The following MTA1 variants were observed in gnomAD, a reference collection of about 807,000 sequenced individuals.
MTA1 encodes the protein metastasis-associated protein MTA1.
Under a neutral mutation model 97.0 loss-of-function variants are expected in MTA1, and 15 were observed. That is an observed-to-expected ratio of 0.15 (90% CI 0.10 to 0.24). The LOEUF (loss-of-function observed/expected upper bound fraction) is 0.24, where lower values mean the gene tolerates loss of function less well. Ranked by LOEUF, MTA1 falls within the 10% of genes least tolerant of loss-of-function variation. The pLI is 1.00. For synonymous variants in MTA1, 435 were observed against 417.5 expected, an observed-to-expected ratio of 1.04 and a Z score of -0.51; for missense variants, 709 against 1,015.1, an observed-to-expected ratio of 0.70 and a Z score of 4.10.
At chr14:105,458,414 G>T in intron 8 of MTA1, 42 bp downstream of exon 8, 1 of 1,564,794 alleles carries the variant, frequency 6.4e-7, no homozygotes, top group Non-Finnish European at 8.8e-7. Flanking sequence ...GGTGGTGCCT[G>T]GAGCTTCTGT....
At chr14:105,441,663 G>A (rs587760837) in intron 2 of MTA1, among the ~76,000 whole-genome samples, 2,141 of 152,202 alleles carry the variant, frequency 0.014, 32 homozygotes, top group Middle Eastern at 0.024. Flanking sequence ...GCGTGGTGGC[G>A]GGCGCCTGTG....
At chr14:105,438,404 C>T (rs587727720) in intron 1 of MTA1, among the ~76,000 whole-genome samples, 3 of 152,288 alleles carry the variant, frequency 2.0e-5, no homozygotes, top group South Asian at 2.1e-4. Context: ...TGTGAGGATC[C>T]GGGATGGGGG....
chr14:105,465,169 T>C lies in MTA1; in HGVS notation c.1610T>C (p.Val537Ala), dbSNP rs1555432406. The C allele has an allele frequency of 6.6e-7, 1 of 1,520,268 alleles. No homozygotes were observed. The allele number at this position is 1,520,268 out of a possible 1,614,324, so 94.2% of individuals were successfully genotyped here. The change falls in exon 16 of 21, where the codon GTG becomes GCG. Residue 537 changes from valine to alanine, a missense_variant. Around this residue, in one of 2 missense-constraint regions of MTA1, gnomAD observed 388 missense variants for 421.6 expected, o/e 0.92. Coordinates refer to ENST00000331320, the MANE Select transcript of MTA1 (RefSeq NM_004689.4). ...GCGGTACGCAAGCCGCTGGAAGCCG[T>C]GCTTCGGTATCTTGGTGAGCAGCCA... ...KQAVRKPLEA[V>A]LRYLETHPRP...
At chr14:105,460,562 G>A in intron 9 of MTA1, 105 bp downstream of exon 9, 2 of 1,283,516 alleles carry the variant, frequency 1.6e-6, no homozygotes, top group Non-Finnish European at 2.1e-6. Context: ...CAGGTATTCA[G>A]GACCCCTGCA....
intron 1 of MTA1, among the ~76,000 whole-genome samples, chr14:105,425,913 C>G (rs1218551253): frequency 6.6e-6 from 1 of 152,012 alleles, no homozygotes; most frequent in Admixed American, 6.5e-5. Context: ...CTAGGCTGCT[C>G]CCGCCTGGGC....
At chr14:105,439,107 C>A (rs1325769199) in intron 2 of MTA1, among the ~76,000 whole-genome samples, 2 of 152,144 alleles carry the variant, frequency 1.3e-5, no homozygotes, top group Admixed American at 1.3e-4. Context: ...GGTGCCCCTG[C>A]CCTGCCCGAA....
At position 105,463,567 on chromosome 14, in the gene MTA1, C is replaced by G. The variant is rs369854050; in HGVS notation, c.1076+16C>G. ...TTCCCAACTAGTAAGTGTGCCCTCACAGCCGTCGTCCTCGTGGCCCCGGGG... is the reference window on the plus strand; with the variant it reads ...TTCCCAACTAGTAAGTGTGCCCTCAGAGCCGTCGTCCTCGTGGCCCCGGGG... On this transcript the variant is annotated intron_variant, in intron 12 of 20. Transcript: ENST00000331320. This position sits in a 1 kb window ranked among gnomAD's most constrained non-coding sequence, Gnocchi z 5.9. 1.2e-6 allele frequency: 2 copies of G among 1,612,460 alleles called. No homozygotes were observed. The highest frequency in any genetic ancestry group is 1.7e-6 in the Non-Finnish European group (2 of 1,179,652).
At position 105,458,179 on chromosome 14, in the gene MTA1, G is replaced by A. The variant is rs587714228; in HGVS notation, c.551-91G>A. The A allele has an allele frequency of 5.5e-4, 599 of 1,087,516 alleles. 2 individuals are homozygous for A. In the African/African-American group the frequency reaches 7.9e-3, roughly 14 times the overall value. 67.4% of individuals were successfully genotyped at this position (1,087,516 alleles called of 1,614,324 possible). On this transcript the variant is annotated intron_variant, in intron 7 of 20. Transcript: ENST00000331320. ...GGCCCTGCAGCCCTTCCCCCTCCCC[G>A]TCCCAGCAGCTCCCCGCACCCGGGG... is the stretch of plus-strand genomic sequence containing the variant.
chr14:105,431,006 A>G (rs1382460397), intron 1 of MTA1, among the ~76,000 whole-genome samples: 2 of 152,206 alleles, frequency 1.3e-5, no homozygotes, highest in African/African-American at 4.8e-5. Flanking sequence ...CACACGTTCA[A>G]CACAGAACAC....
chr14:105,441,517 G>T (rs981383317), intron 2 of MTA1, among the ~76,000 whole-genome samples: 2 of 152,226 alleles, frequency 1.3e-5, no homozygotes, highest in African/African-American at 4.8e-5. Context: ...CTCAGAGGCT[G>T]GACGCAGGGG....
intron 10 of MTA1, among the ~76,000 whole-genome samples, chr14:105,461,851 A>G (rs587632291): frequency 6.6e-6 from 1 of 152,276 alleles, no homozygotes; most frequent in Admixed American, 6.5e-5. Context: ...GGAGTCCCTG[A>G]CTGTCCCTGG....
In MTA1 at chr14:105,463,830, C is replaced by T; in HGVS notation, c.1077-202C>T. The T allele has an allele frequency of 1.5e-6, 1 of 648,506 alleles. No individual in the cohort carries two copies. The allele number at this position is 648,506 out of a possible 1,614,324, so 40.2% of individuals were successfully genotyped here. A position where few individuals can be genotyped will look rare whatever the true frequency, so the allele number is the denominator to read the frequency against. ...GAGCTGGGCTCCATGCTAGGGGGAG[C>T]ACGGGGGCCTGGAGAACGGCTCAGA... On this transcript the variant is annotated intron_variant, in intron 12 of 20. Transcript: ENST00000331320. This position sits in a 1 kb window ranked among gnomAD's most constrained non-coding sequence, Gnocchi z 5.9.
rs782737275 is a variant in MTA1 at position 105,450,161 on chromosome 14, G to A, written c.345G>A (p.Glu115=). 2.5e-6 allele frequency: 4 copies of A among 1,613,050 alleles called. No individual in the cohort carries two copies. The Admixed American group carries it at 6.7e-5, about 27-fold the overall frequency. ...HRELFLSRQL[E]SLPATHIRGK... is the part of the protein sequence containing the mutation. ...AGCTGTTCCTCTCCCGGCAGCTGGA[G>A]TCTCTGCCCGCCACGCACATCAGGT... Residue 115 remains glutamate, a synonymous_variant, in exon 5 of 21, where the codon GAG becomes GAA. Coordinates refer to ENST00000331320, the MANE Select transcript of MTA1 (RefSeq NM_004689.4).
chr14:105,434,379 A>G lies in MTA1; in HGVS notation c.29-4293A>G, dbSNP rs138731905. Among the ~76,000 whole-genome samples, 272 of 152,114 alleles carry G rather than the reference A, an allele frequency of 1.8e-3. No homozygotes were observed. The Middle Eastern group carries it at 0.031, about 17-fold the overall frequency. On this transcript the variant is annotated intron_variant, in intron 1 of 20. Coordinates refer to ENST00000331320, the MANE Select transcript of MTA1 (RefSeq NM_004689.4). ...CAGATCTTTTGATCTTTAAACATCT[A>G]TAGATCTTTTGTAAAATTTATATTG...
At chr14:105,470,044 C>T (rs781926419) in intron 20 of MTA1, 21 bp from the exon 21 acceptor site, 3 of 1,612,598 alleles carry the variant, frequency 1.9e-6, no homozygotes, top group East Asian at 4.5e-5. Flanking sequence ...TCCCGGCCCT[C>T]ACCACCACCT....
chr14:105,456,237 A>G (rs1249987005), intron 7 of MTA1, among the ~76,000 whole-genome samples: 1 of 152,254 alleles, frequency 6.6e-6, no homozygotes, highest in Non-Finnish European at 1.5e-5. Context: ...GTGAGAACAC[A>G]GATCACATGA....
At chr14:105,469,244 C>T in intron 18 of MTA1, 1 of 624,188 alleles carries the variant, frequency 1.6e-6, no homozygotes, top group East Asian at 2.8e-5. Context: ...GGAGCCCAAG[C>T]CAATGTGTCT....
chr14:105,430,475 A>C (rs2141431852), intron 1 of MTA1, among the ~76,000 whole-genome samples: 1 of 152,344 alleles, frequency 6.6e-6, no homozygotes, highest in Non-Finnish European at 1.5e-5. Context: ...TCGCCATCAC[A>C]GATAGAATCA....
chr14:105,465,078 G>A lies in MTA1; in HGVS notation c.1535-16G>A, dbSNP rs142486487. 2.5e-4 allele frequency: 374 copies of A among 1,502,898 alleles called. No homozygotes were observed. In the African/African-American group the frequency reaches 4.0e-3, roughly 16 times the overall value. 93.1% of individuals were successfully genotyped at this position (1,502,898 alleles called of 1,614,324 possible). ...CTGGGGGTGCCCCACCCCTCACACC[G>A]TGTGGTACCCCGCAGGCACGGCGCG... On this transcript the variant is annotated splice_polypyrimidine_tract_variant and intron_variant, in intron 15 of 20. Coordinates refer to ENST00000331320, the MANE Select transcript of MTA1 (RefSeq NM_004689.4).
Sources: gnomAD v4.1 joint callset for allele counts (sites outside exome capture counted in the v4.1 genomes callset) on GRCh38, gnomAD v4.1.1 for gene constraint, gnomAD v4.1.1 regional missense constraint, Gnocchi (gnomAD v3.1) non-coding constraint, MANE v1.5 for transcripts, NCBI Gene and HGNC (gene_info 2026-07-23, HGNC 2026-07-21) for gene names.